The following MBTPS1 variants were observed in gnomAD, a reference collection of about 807,000 sequenced individuals.
The protein encoded by MBTPS1 is membrane bound transcription factor peptidase, site 1.
MBTPS1 carries 94 observed loss-of-function variants against 127.8 expected under a neutral mutation model. The ratio of observed to expected loss-of-function variants is 0.74; its 90% CI spans 0.62 to 0.87. The LOEUF (loss-of-function observed/expected upper bound fraction) is 0.87, where lower values mean the gene tolerates loss of function less well. Ranked by LOEUF, MBTPS1 falls within the 40% of genes least tolerant of loss-of-function variation. The probability of loss-of-function intolerance (pLI) is 0.00; values close to 1 mark genes in which losing one functional copy is unlikely to be tolerated. For missense variants in MBTPS1, 1,636 were observed against 1,353.2 expected (o/e 1.21, Z -3.28); for synonymous variants, 632 against 509.4 (o/e 1.24, Z -3.24).
rs1366841416 is a variant in MBTPS1 at position 84,115,936 on chromosome 16, T to C, written c.-325+799A>G. 6.9e-5 allele frequency among the ~76,000 whole-genome samples: 4 copies of C among 57,750 alleles called. No homozygotes were observed. In the South Asian group the frequency reaches 3.9e-3, roughly 56 times the overall value. The allele number at this position is 57,750 out of a possible 152,430, so 37.9% of individuals were successfully genotyped here. A position where few individuals can be genotyped will look rare whatever the true frequency, so the allele number is the denominator to read the frequency against. ...AAGTATAAATAATAAAAGCGGATTC[T>C]CCAGATTGAAAAAAAAAAAAATGAG... On this transcript the variant is annotated intron_variant, in intron 1 of 22. Coordinates refer to ENST00000343411, the MANE Select transcript of MBTPS1 (RefSeq NM_003791.4).
At chr16:84,078,992 G>A (rs2085900013) in intron 11 of MBTPS1, among the ~76,000 whole-genome samples, 1 of 152,232 alleles carries the variant, frequency 6.6e-6, no homozygotes, top group Non-Finnish European at 1.5e-5. Flanking sequence ...CATGTTGGAG[G>A]TGGGCCTAGT....
intron 15 of MBTPS1, among the ~76,000 whole-genome samples, chr16:84,068,082 T>C (rs17849036): frequency 0.21 from 32,100 of 152,172 alleles, 3,547 homozygotes; most frequent in African/African-American, 0.24. Context: ...GCAAAATATA[T>C]AGCAGAGCTG....
intron 1 of MBTPS1, among the ~76,000 whole-genome samples, chr16:84,106,152 G>C (rs989396135): frequency 6.6e-6 from 1 of 151,998 alleles, no homozygotes; most frequent in African/African-American, 2.4e-5. Context: ...AAAATTAGTC[G>C]TGCGTGGCGA....
At chr16:84,104,010 T>C (rs2086291511) in intron 1 of MBTPS1, among the ~76,000 whole-genome samples, 1 of 152,204 alleles carries the variant, frequency 6.6e-6, no homozygotes, top group Non-Finnish European at 1.5e-5. Context: ...TGACAGAAGT[T>C]TGCTCAGGAG....
chr16:84,103,970 A>G (rs911690467), intron 1 of MBTPS1, among the ~76,000 whole-genome samples: 6 of 152,228 alleles, frequency 3.9e-5, no homozygotes, highest in African/African-American at 1.4e-4. Flanking sequence ...TCAGAAAAGC[A>G]GAGGGCACCT....
At chr16:84,102,159 C>T (rs1476741047) in intron 1 of MBTPS1, 52 bp from the exon 2 acceptor site, 1 of 161,636 alleles carries the variant, frequency 6.2e-6, no homozygotes, top group Admixed American at 6.2e-5. Context: ...CTGACATAGC[C>T]AGGTATGATT....
intron 9 of MBTPS1, chr16:84,086,011 G>A (rs1030650948): frequency 2.6e-5 from 4 of 152,168 alleles, no homozygotes; most frequent in Non-Finnish European, 5.9e-5. Flanking sequence ...ACTTGCTTAA[G>A]CTTCTTAAGA....
At position 84,060,342 on chromosome 16, in the gene MBTPS1, G is replaced by A. The variant is rs1194884488; in HGVS notation, c.2704+340C>T. On this transcript the variant is annotated intron_variant, in intron 20 of 22. Coordinates refer to ENST00000343411, the MANE Select transcript of MBTPS1 (RefSeq NM_003791.4). ...GCCTGCTGCATGGGACCTGGCAAGT[G>A]CTCTAGAATGTTGGTGATTCTTCCT... is the stretch of plus-strand genomic sequence containing the variant. The A allele has an allele frequency of 1.9e-5, 4 of 208,282 alleles. No homozygotes were observed. In the East Asian group the frequency reaches 4.4e-4, roughly 23 times the overall value. 12.9% of individuals were successfully genotyped at this position (208,282 alleles called of 1,614,324 possible). A position where few individuals can be genotyped will look rare whatever the true frequency, so the allele number is the denominator to read the frequency against.
intron 1 of MBTPS1, among the ~76,000 whole-genome samples, chr16:84,110,327 A>G (rs1040687963): frequency 2.6e-5 from 4 of 152,162 alleles, no homozygotes; most frequent in African/African-American, 9.7e-5. Flanking sequence ...GCTAACATTA[A>G]CCTGTGTTTC....
At chr16:84,105,807 T>A (rs1042879697) in intron 1 of MBTPS1, among the ~76,000 whole-genome samples, 1 of 152,102 alleles carries the variant, frequency 6.6e-6, no homozygotes, top group African/African-American at 2.4e-5. Context: ...GCTCCTGTGT[T>A]CACCCATCCA....
chr16:84,068,123 G>C (rs1053705825), intron 15 of MBTPS1, among the ~76,000 whole-genome samples: 1 of 152,242 alleles, frequency 6.6e-6, no homozygotes, highest in Non-Finnish European at 1.5e-5. Context: ...GAGTACGAAT[G>C]TCCCTGTCTC....
At chr16:84,056,272 C>T (rs1473703259) in intron 21 of MBTPS1, 137 bp from the exon 22 acceptor site, 3 of 663,820 alleles carry the variant, frequency 4.5e-6, no homozygotes, top group Admixed American at 2.8e-5. Context: ...GCGTCCACGG[C>T]CACCTAAATG....
chr16:84,084,928 C>A, intron 10 of MBTPS1, 55 bp downstream of exon 10: 1 of 1,575,074 alleles, frequency 6.3e-7, no homozygotes. Flanking sequence ...TCTGCTGGCA[C>A]CGAGTGCTCC....
At chr16:84,065,121 G>GTTTT (rs35734457) in intron 18 of MBTPS1, among the ~76,000 whole-genome samples, 2 of 140,024 alleles carry the variant, frequency 1.4e-5, no homozygotes, top group Non-Finnish European at 3.1e-5. Flanking sequence ...CTTGAAGGTA[G>GTTTT]TTTTTTTTTT....
intron 2 of MBTPS1, 103 bp downstream of exon 2, chr16:84,101,518 T>G: frequency 1.9e-6 from 2 of 1,026,556 alleles, no homozygotes; most frequent in Non-Finnish European, 2.8e-6. Context: ...AGAAATTTAC[T>G]GTAGAAAAGA....
rs114915799 is a variant in MBTPS1, at chr16:84,068,236, C to T, written c.2071+103G>A. 859 of 835,246 alleles carry T rather than the reference C, an allele frequency of 1.0e-3. 4 individuals carry two copies. The African/African-American group carries it at 0.011, about 11-fold the overall frequency. The allele number at this position is 835,246 out of a possible 1,614,324, so 51.7% of individuals were successfully genotyped here. A position where few individuals can be genotyped will look rare whatever the true frequency, so the allele number is the denominator to read the frequency against. The stretch of plus-strand genomic sequence containing the variant: ...GCTGTGGGGCCCACGGCGCATACTC[C>T]CTTGGTAGCTATCACTGAAAACTGG... On this transcript the variant is annotated intron_variant, in intron 15 of 22. Transcript: ENST00000343411.
At position 84,074,697 on chromosome 16, in the gene MBTPS1, C is replaced by T. The variant is rs753189696; in HGVS notation, c.1493G>A (p.Trp498Ter). 6.2e-7 allele frequency: 1 copy of T among 1,614,106 alleles called. No individual in the cohort carries two copies. Among genetic ancestry groups the T allele is most frequent in the East Asian group, 2.2e-5 (1 of 44,886 alleles). ...GTAGATGGGCTGGGAGCAGTAGGGC[C>T]ACATGTAGGGACACTCAGTCAGATC... Reference protein sequence around the residue: ...YIDLTECPYMWPYCSQPIYYG... With the variant: ...YIDLTECPYM Residue 498 changes from tryptophan (W) to a stop codon, truncating the protein, a stop_gained, in exon 12 of 23, where the codon TGG becomes TAG. Coordinates refer to ENST00000343411, the MANE Select transcript of MBTPS1 (RefSeq NM_003791.4). LOFTEE classifies it high-confidence loss of function.
chr16:84,101,210 G>A (rs1430699259), intron 2 of MBTPS1, among the ~76,000 whole-genome samples: 1 of 152,060 alleles, frequency 6.6e-6, no homozygotes, highest in Non-Finnish European at 1.5e-5. Context: ...TGAGGCAGGA[G>A]AACTGCTTGA....
intron 1 of MBTPS1, among the ~76,000 whole-genome samples, chr16:84,115,141 C>T (rs2086454849): frequency 1.3e-5 from 2 of 152,228 alleles, no homozygotes; most frequent in South Asian, 4.1e-4. Flanking sequence ...GTTGGCCAGG[C>T]TGGTCTTGAA....
Sources: allele counts gnomAD v4.1 joint callset (sites outside exome capture counted in the v4.1 genomes callset), GRCh38; gene constraint gnomAD v4.1.1; transcripts MANE v1.5; gene names NCBI Gene and HGNC (gene_info 2026-07-23, HGNC 2026-07-21).